Variants in SPOP observed in about 807,000 individuals in gnomAD.
The protein encoded by SPOP is speckle-type POZ protein.
Under a neutral mutation model 45.6 loss-of-function variants are expected in SPOP, and 11 were observed. That is an observed-to-expected ratio of 0.24 (90% CI 0.15 to 0.40). The LOEUF (loss-of-function observed/expected upper bound fraction) is 0.40, where lower values mean the gene tolerates loss of function less well. Ranked by LOEUF, SPOP falls within the 10% of genes least tolerant of loss-of-function variation. The pLI is 1.00. For missense variants in SPOP, 152 were observed against 465.6 expected, an observed-to-expected ratio of 0.33 and a Z score of 6.20; for synonymous variants, 166 against 166.3, an observed-to-expected ratio of 1.00 and a Z score of 0.01.
chr17:49,675,931 A>T (rs2073193311), intron 1 of SPOP: 1 of 152,358 alleles, frequency 6.6e-6, no homozygotes. Flanking sequence ...GAGGCAGAAG[A>T]ATCGCTTGAA....
At position 49,600,690 on chromosome 17, in the gene SPOP, C is replaced by A; in HGVS notation, c.981-168G>T. 1.5e-6 allele frequency: 1 copy of A among 688,464 alleles called. No individual in the cohort carries two copies. The highest frequency in any genetic ancestry group is 2.4e-6 in the Non-Finnish European group (1 of 418,618). 42.6% of individuals were successfully genotyped at this position (688,464 alleles called of 1,614,324 possible). A position where few individuals can be genotyped will look rare whatever the true frequency, so the allele number is the denominator to read the frequency against. On this transcript the variant is annotated intron_variant, in intron 9 of 9. Coordinates refer to ENST00000504102, the MANE Select transcript of SPOP (RefSeq NM_001007228.2). This position sits in a 1 kb window ranked among gnomAD's most constrained non-coding sequence, Gnocchi z 4.2. ...ATTTGCTTGTTAGACAATGAGCAGA[C>A]TGGTGACTTGCCTGTGGCTGTCGTC...
At position 49,611,282 on chromosome 17, in the gene SPOP, G is replaced by A; in HGVS notation, c.656C>T (p.Ala219Val). The A allele has an allele frequency of 1.2e-6, 2 of 1,613,658 alleles. No homozygotes were observed. The highest frequency in any genetic ancestry group is 1.7e-6 in the Non-Finnish European group (2 of 1,179,874). ...ATTCCTCATGAATAAATACCAACCT[G>A]CTAAGATAGCCTTGTGAGCCTGGAA... Reference protein sequence around the residue: ...QEFQAHKAILAARSPVFSAMF... With the variant: ...QEFQAHKAILVARSPVFSAMF... The change falls in exon 6 of 10, where the codon GCA becomes GTA. Residue 219 changes from alanine to valine, a missense_variant and splice_region_variant. Ala to Val is a moderately conservative substitution (Grantham distance 64). Transcript: ENST00000504102.
chr17:49,672,926 G>A (rs982488892), intron 1 of SPOP, among the ~76,000 whole-genome samples: 3 of 151,548 alleles, frequency 2.0e-5, no homozygotes, highest in Admixed American at 6.6e-5. Flanking sequence ...CAGCCTAGGC[G>A]ACAGAGTGAA....
At chr17:49,652,222 A>C (rs2072852341) in intron 1 of SPOP, among the ~76,000 whole-genome samples, 3 of 152,186 alleles carry the variant, frequency 2.0e-5, no homozygotes, top group Admixed American at 6.5e-5. Context: ...AAAATAAAAA[A>C]TCTGAAACAC....
In SPOP at chr17:49,619,460, G is replaced by C. The variant is rs1476837473; in HGVS notation, c.201-75C>G. 2.7e-6 allele frequency: 4 copies of C among 1,480,814 alleles called. No individual in the cohort carries two copies. The African/African-American group carries it at 5.7e-5, about 21-fold the overall frequency. The allele number at this position is 1,480,814 out of a possible 1,614,324, so 91.7% of individuals were successfully genotyped here. ...AGAACTGGAAATCAGACTCAAGAGA[G>C]GGAGATGTTTAAAAAACAAATGCAG... On this transcript the variant is annotated intron_variant, in intron 3 of 9. Transcript: ENST00000504102. This position sits in a 1 kb window ranked among gnomAD's most constrained non-coding sequence, Gnocchi z 4.9.
intron 1 of SPOP, 140 bp downstream of exon 1, chr17:49,677,793 G>A (rs1326791923): frequency 2.8e-5 from 11 of 386,606 alleles, no homozygotes; most frequent in African/African-American, 2.1e-5. Context: ...TAATCCGGGT[G>A]TAGGAAATGG....
chr17:49,638,675 GT>G (rs2143418300), intron 1 of SPOP, among the ~76,000 whole-genome samples: 1 of 152,208 alleles, frequency 6.6e-6, no homozygotes, highest in African/African-American at 2.4e-5. Context: ...ACTATAATAG[GT>G]TTTGGTAAAC....
intron 1 of SPOP, among the ~76,000 whole-genome samples, chr17:49,629,153 A>C (rs1391822514): frequency 6.6e-6 from 1 of 152,138 alleles, no homozygotes; most frequent in Non-Finnish European, 1.5e-5. Context: ...GAGGCAGGAG[A>C]ATCGCTTGAA....
At chr17:49,602,579 G>C (rs1476729276) in intron 8 of SPOP, among the ~76,000 whole-genome samples, 3 of 152,142 alleles carry the variant, frequency 2.0e-5, no homozygotes, top group African/African-American at 7.2e-5. Context: ...TGGCCCATCA[G>C]GTTGTGAAAA....
At chr17:49,612,842 C>T (rs1343315372) in intron 5 of SPOP, 2 of 152,198 alleles carry the variant, frequency 1.3e-5, no homozygotes, top group East Asian at 1.9e-4. Flanking sequence ...AGCTTAGGAA[C>T]ATCCTTAATG....
At chr17:49,616,293 C>T (rs937436428) in intron 5 of SPOP, among the ~76,000 whole-genome samples, 7 of 152,020 alleles carry the variant, frequency 4.6e-5, no homozygotes, top group Non-Finnish European at 7.4e-5. Context: ...TCTGGGAGCA[C>T]CAGAATCCCT....
intron 1 of SPOP, among the ~76,000 whole-genome samples, chr17:49,638,191 T>C (rs1213593428): frequency 6.6e-6 from 1 of 152,230 alleles, no homozygotes. Context: ...ATAAGAGAAG[T>C]AGCAATGCTT....
chr17:49,610,649 G>A (rs537072614), intron 6 of SPOP, among the ~76,000 whole-genome samples: 1 of 152,322 alleles, frequency 6.6e-6, no homozygotes, highest in South Asian at 2.1e-4. Context: ...TAAGAAGTGT[G>A]TTACTTGAAG....
intron 1 of SPOP, among the ~76,000 whole-genome samples, chr17:49,642,105 T>C (rs569036453): frequency 6.6e-6 from 1 of 152,172 alleles, no homozygotes; most frequent in African/African-American, 2.4e-5. Context: ...CATGTACTGC[T>C]GGTGCGGTGC....
intron 1 of SPOP, among the ~76,000 whole-genome samples, chr17:49,677,155 A>C (rs952627568): frequency 1.3e-5 from 2 of 152,224 alleles, no homozygotes; most frequent in Non-Finnish European, 2.9e-5. Flanking sequence ...TATGACCCTT[A>C]GTCTTCTTTA....
intron 8 of SPOP, among the ~76,000 whole-genome samples, chr17:49,605,583 G>C (rs939591377): frequency 6.6e-6 from 1 of 151,788 alleles, no homozygotes; most frequent in African/African-American, 2.4e-5. Context: ...TCAGCTACTC[G>C]GGAGGCTGAG....
At chr17:49,611,668 C>T (rs554772375) in intron 5 of SPOP, among the ~76,000 whole-genome samples, 73 of 152,282 alleles carry the variant, frequency 4.8e-4, no homozygotes, top group African/African-American at 1.7e-3. Flanking sequence ...CATCTCAGGA[C>T]AATAGGAAGA....
intron 1 of SPOP, among the ~76,000 whole-genome samples, chr17:49,653,374 AC>A (rs1367892676): frequency 2.6e-5 from 4 of 151,980 alleles, no homozygotes; most frequent in African/African-American, 7.2e-5. Flanking sequence ...AAACAAACAA[AC>A]AAACAAAAAA....
intron 1 of SPOP, among the ~76,000 whole-genome samples, chr17:49,641,033 C>T (rs529603182): frequency 3.3e-5 from 5 of 152,060 alleles, no homozygotes; most frequent in South Asian, 2.1e-4. Flanking sequence ...TATGCCGAGG[C>T]GGGTGGATCA....
Sources: gnomAD v4.1 joint callset for allele counts (sites outside exome capture counted in the v4.1 genomes callset) on GRCh38, gnomAD v4.1.1 for gene constraint, Gnocchi (gnomAD v3.1) non-coding constraint, MANE v1.5 for transcripts, NCBI Gene and HGNC (gene_info 2026-07-23, HGNC 2026-07-21) for gene names.